Variants in NAT1 observed in about 807,000 individuals in gnomAD.
NAT1 encodes N-acetyltransferase 1.
For missense variants in NAT1, 400 were observed against 339.2 expected (o/e 1.18, Z -1.41); for synonymous variants, 144 against 122.6 (o/e 1.17, Z -1.16).
chr8:18,180,504 C>T (rs1410627020), intron 2 of NAT1, among the ~76,000 whole-genome samples: 1 of 152,010 alleles, frequency 6.6e-6, no homozygotes, highest in East Asian at 1.9e-4. Flanking sequence ...GGAATGTTTG[C>T]CTGTAATTTT....
At position 18,210,177 on chromosome 8, in the gene NAT1, C is replaced by A. The variant is rs913064906; in HGVS notation, c.-89C>A. On this transcript the variant is annotated 5_prime_UTR_variant, in exon 1 of 3. Transcript: ENST00000307719. Reference sequence around the variant, plus strand: ...AGTTCCTGGTTGCCGGCTGAAATAACCTGGTAAGTGGAACTCTGTAAGGGG... The same window carrying A: ...AGTTCCTGGTTGCCGGCTGAAATAAACTGGTAAGTGGAACTCTGTAAGGGG... The A allele has an allele frequency of 1.3e-5, 2 of 152,172 alleles. No homozygotes were observed. The highest frequency in any genetic ancestry group is 2.9e-5 in the Non-Finnish European group (2 of 68,078). 9.4% of individuals were successfully genotyped at this position (152,172 alleles called of 1,614,324 possible).
At chr8:18,184,695 A>G (rs950044879) in intron 2 of NAT1, among the ~76,000 whole-genome samples, 9 of 152,208 alleles carry the variant, frequency 5.9e-5, no homozygotes, top group Admixed American at 1.3e-4. Context: ...GGCAGGGCCT[A>G]ACAAGAGGTG....
intron 2 of NAT1, 76 bp downstream of exon 2, chr8:18,219,565 T>C (rs1563193876): frequency 1.3e-6 from 1 of 753,370 alleles, no homozygotes; most frequent in Admixed American, 2.9e-5. Context: ...GTCTTATATT[T>C]ATGATCAAGA....
chr8:18,202,509 A>C (rs149245707), intron 2 of NAT1, among the ~76,000 whole-genome samples: 418 of 152,306 alleles, frequency 2.7e-3, no homozygotes, highest in Middle Eastern at 6.8e-3. Flanking sequence ...ACAGCTATTA[A>C]AGATGGTGTG....
At chr8:18,208,338 A>C (rs1803818686), upstream of NAT1, among the ~76,000 whole-genome samples, 1 of 152,246 alleles carries the variant, frequency 6.6e-6, no homozygotes, top group African/African-American at 2.4e-5. Flanking sequence ...AAAAGGAAAA[A>C]GTAAAATTTT....
At chr8:18,179,066 G>A (rs1270869074) in intron 2 of NAT1, among the ~76,000 whole-genome samples, 1 of 151,878 alleles carries the variant, frequency 6.6e-6, no homozygotes, top group Non-Finnish European at 1.5e-5. Flanking sequence ...CTGTATGCCC[G>A]GCCTTCTCTC....
chr8:18,204,637 T>G (rs1803629257), intron 2 of NAT1, among the ~76,000 whole-genome samples: 1 of 152,230 alleles, frequency 6.6e-6, no homozygotes, highest in African/African-American at 2.4e-5. Flanking sequence ...TTGATTTTTA[T>G]CTACGAATAC....
In NAT1 at chr8:18,185,268, C is replaced by T. The variant is rs181937686; in HGVS notation, n.92+14529C>T. On this transcript the variant is annotated intron_variant and non_coding_transcript_variant, in intron 2 of 4. Transcript: ENST00000517441. ...TATTTAGTACAATTCGCCAGCAAAG[C>T]CATCTAGGCCGGATGTTCTGTTTGT... Among the ~76,000 whole-genome samples the T allele has an allele frequency of 5.5e-3, 833 of 152,192 alleles. 6 individuals are homozygous for T. Among genetic ancestry groups the T allele is most frequent in the African/African-American group, 0.019 (774 of 41,524 alleles).
At chr8:18,187,392 G>A (rs35136740) in intron 2 of NAT1, among the ~76,000 whole-genome samples, 31,207 of 152,130 alleles carry the variant, frequency 0.21, 3,779 homozygotes, top group East Asian at 0.28. Flanking sequence ...AAAGACACAT[G>A]CATATGTATG....
chr8:18,194,829 A>G (rs1362917046), intron 2 of NAT1, among the ~76,000 whole-genome samples: 1 of 151,924 alleles, frequency 6.6e-6, no homozygotes, highest in Non-Finnish European at 1.5e-5. Flanking sequence ...AAAAAAAAAA[A>G]AAAAAGAATA....
chr8:18,197,057 G>A (rs1310259486), intron 2 of NAT1, among the ~76,000 whole-genome samples: 1 of 152,164 alleles, frequency 6.6e-6, no homozygotes, highest in African/African-American at 2.4e-5. Context: ...CAAAAGGGAA[G>A]CAGGCACCTT....
upstream of NAT1, among the ~76,000 whole-genome samples, chr8:18,207,238 G>A (rs139902664): frequency 1.1e-3 from 160 of 152,230 alleles, 1 homozygote; most frequent in African/African-American, 3.6e-3. Context: ...CTATGTGTCC[G>A]TTTTTGTATC....
At chr8:18,188,639 G>T (rs1309798143) in intron 2 of NAT1, among the ~76,000 whole-genome samples, 3 of 151,774 alleles carry the variant, frequency 2.0e-5, no homozygotes, top group Admixed American at 6.6e-5. Context: ...GGCTTTTTTA[G>T]TTTTTTAGCT....
At chr8:18,206,796 T>A (rs1803745270), upstream of NAT1, among the ~76,000 whole-genome samples, 1 of 152,286 alleles carries the variant, frequency 6.6e-6, no homozygotes, top group Non-Finnish European at 1.5e-5. Flanking sequence ...TTCTTTTGCT[T>A]TAATTAGAAA....
At chr8:18,197,041 G>A (rs757248572) in intron 2 of NAT1, among the ~76,000 whole-genome samples, 3 of 152,062 alleles carry the variant, frequency 2.0e-5, no homozygotes, top group Non-Finnish European at 2.9e-5. Context: ...AAACCACGGC[G>A]GAAGGCAAAA....
intron 1 of NAT1, among the ~76,000 whole-genome samples, chr8:18,218,872 G>A (rs575022513): frequency 6.6e-6 from 1 of 152,210 alleles, no homozygotes; most frequent in East Asian, 1.9e-4. Flanking sequence ...GTGAGGGGAG[G>A]TGGCTATGAC....
At chr8:18,187,428 C>G (rs1802784735) in intron 2 of NAT1, among the ~76,000 whole-genome samples, 1 of 152,158 alleles carries the variant, frequency 6.6e-6, no homozygotes, top group Non-Finnish European at 1.5e-5. Flanking sequence ...TTCACAATAG[C>G]AAAGACATGG....
At chr8:18,218,176 G>A (rs1029603674) in intron 1 of NAT1, among the ~76,000 whole-genome samples, 3 of 151,982 alleles carry the variant, frequency 2.0e-5, no homozygotes, top group African/African-American at 4.8e-5. Context: ...TCATATTCCC[G>A]GCCACAAGAC....
chr8:18,222,489 T>C lies in NAT1; in HGVS notation c.442T>C (p.Cys148Arg), dbSNP rs1390508874. 5.6e-6 allele frequency: 9 copies of C among 1,613,928 alleles called. No individual in the cohort carries two copies. The highest frequency in any genetic ancestry group is 7.6e-6 in the Non-Finnish European group (9 of 1,179,998). The part of the protein sequence containing the change: ...ISGKDQPQVP[C>R]VFRLTEENGF... ...TGGGAAGGATCAGCCTCAGGTGCCTTGTGTCTTCCGTTTGACGGAAGAGAA... is the reference window on the plus strand; with the variant it reads ...TGGGAAGGATCAGCCTCAGGTGCCTCGTGTCTTCCGTTTGACGGAAGAGAA... The change falls in exon 3 of 3, where the codon TGT becomes CGT. Residue 148 changes from cysteine to arginine, a missense_variant. Cys to Arg is a radical substitution (Grantham distance 180). Transcript: ENST00000307719.
Sources: allele counts gnomAD v4.1 joint callset (sites outside exome capture counted in the v4.1 genomes callset), GRCh38; gene constraint gnomAD v4.1.1; transcripts MANE v1.5; gene names NCBI Gene and HGNC (gene_info 2026-07-23, HGNC 2026-07-21).